Variants in EXOC4 observed in about 807,000 individuals in gnomAD.
EXOC4 encodes SEC8-like 1.
EXOC4 carries 71 observed loss-of-function variants against 107.2 expected under a neutral mutation model. The observed-to-expected ratio is 0.66, with a 90% CI of 0.55 to 0.81. The LOEUF (loss-of-function observed/expected upper bound fraction) is 0.81, where lower values mean the gene tolerates loss of function less well. Ranked by LOEUF, EXOC4 falls within the 30% of genes least tolerant of loss-of-function variation. EXOC4 has a pLI of 0.00. For synonymous variants in EXOC4, 456 were observed against 441.2 expected (o/e 1.03, Z -0.42); for missense variants, 1,108 against 1,189.6 (o/e 0.93, Z 1.01).
intron 9 of EXOC4, among the ~76,000 whole-genome samples, chr7:133,596,128 C>T (rs2150982841): frequency 6.6e-6 from 1 of 152,362 alleles, no homozygotes; most frequent in East Asian, 1.9e-4. Context: ...ATTTCACAGC[C>T]TAAATGGTGC....
intron 9 of EXOC4, among the ~76,000 whole-genome samples, chr7:133,574,086 T>C (rs1373442075): frequency 6.6e-6 from 1 of 152,254 alleles, no homozygotes; most frequent in Non-Finnish European, 1.5e-5. Flanking sequence ...GTTGCTGTGC[T>C]TATTAATAGT....
At position 133,648,425 on chromosome 7, in the gene EXOC4, T is replaced by C. The variant is rs112993790; in HGVS notation, c.1514+18284T>C. Reference sequence around the variant, plus strand: ...ATTTCTCAAATGACTTCTGCCTTTGTAGAATCATCATCTTTTTTCCATGAG... The same window carrying C: ...ATTTCTCAAATGACTTCTGCCTTTGCAGAATCATCATCTTTTTTCCATGAG... On this transcript the variant is annotated intron_variant, in intron 10 of 17. Coordinates refer to ENST00000253861, the MANE Select transcript of EXOC4 (RefSeq NM_021807.4). Among the ~76,000 whole-genome samples the C allele has an allele frequency of 2.2e-3, 339 of 152,360 alleles. 1 individual carries two copies. The highest frequency in any genetic ancestry group is 7.7e-3 in the African/African-American group (322 of 41,588).
chr7:133,856,066 T>G (rs1563029071), intron 11 of EXOC4, among the ~76,000 whole-genome samples: 1 of 152,220 alleles, frequency 6.6e-6, no homozygotes, highest in Non-Finnish European at 1.5e-5. Flanking sequence ...CCCTACATGC[T>G]TATTAATTGT....
chr7:133,816,557 A>G (rs1325813379), intron 10 of EXOC4, among the ~76,000 whole-genome samples: 1 of 152,128 alleles, frequency 6.6e-6, no homozygotes, highest in South Asian at 2.1e-4. Flanking sequence ...AGTATCCTTC[A>G]TTCTCTCTCT....
intron 7 of EXOC4, among the ~76,000 whole-genome samples, chr7:133,459,787 T>C (rs1279341078): frequency 6.6e-6 from 1 of 152,130 alleles, no homozygotes; most frequent in Non-Finnish European, 1.5e-5. Flanking sequence ...AATTGAGGAA[T>C]GATGAGAAAA....
At position 133,289,047 on chromosome 7, in the gene EXOC4, C is replaced by T. The variant is rs754922677; in HGVS notation, c.402C>T (p.Ile134=). Residue 134 remains isoleucine, a synonymous_variant, in exon 3 of 18, where the codon ATC becomes ATT. Transcript: ENST00000253861. ...VLNLLDEIEN[I]KQVPQKLEQC... The stretch of plus-strand genomic sequence containing the variant: ...ACTTGTTGGATGAAATTGAGAATAT[C>T]AAGCAAGTGCCTCAAAAGCTGGAAC... 3.1e-6 allele frequency: 5 copies of T among 1,614,076 alleles called. No individual in the cohort carries two copies. The East Asian group carries it at 8.9e-5, about 29-fold the overall frequency.
intron 10 of EXOC4, among the ~76,000 whole-genome samples, chr7:133,654,216 C>T (rs1260723868): frequency 6.6e-6 from 1 of 152,062 alleles, no homozygotes; most frequent in Non-Finnish European, 1.5e-5. Flanking sequence ...ACCTTAAATT[C>T]ATTAGTATTC....
At chr7:133,421,930 T>G (rs1362261052) in intron 7 of EXOC4, among the ~76,000 whole-genome samples, 2 of 152,218 alleles carry the variant, frequency 1.3e-5, no homozygotes, top group African/African-American at 4.8e-5. Flanking sequence ...CTGAAGCAAT[T>G]TTTTAATTTA....
intron 9 of EXOC4, among the ~76,000 whole-genome samples, chr7:133,562,148 T>C (rs1026154009): frequency 1.3e-5 from 2 of 152,194 alleles, no homozygotes; most frequent in Non-Finnish European, 2.9e-5. Context: ...ATAGAGGACA[T>C]TAAGTGAAGA....
At chr7:134,039,929 A>G (rs1209559508) in intron 17 of EXOC4, among the ~76,000 whole-genome samples, 1 of 152,194 alleles carries the variant, frequency 6.6e-6, no homozygotes, top group Non-Finnish European at 1.5e-5. Flanking sequence ...TCTCTGTGAA[A>G]GTAGCCTCAA....
Position 133,899,128 on chromosome 7 carries a change from C to T in EXOC4, c.1871+3393C>T, listed in dbSNP as rs566343831. 8.1e-5 allele frequency among the ~76,000 whole-genome samples: 12 copies of T among 148,762 alleles called. No homozygotes were observed. The South Asian group carries it at 1.1e-3, about 13-fold the overall frequency. Reference sequence around the variant, plus strand: ...TTTAAGTAGGGCATGCCCTCTTTTTCTAGTAAGTTGTCTGATTATGGGCAC... The same window carrying T: ...TTTAAGTAGGGCATGCCCTCTTTTTTTAGTAAGTTGTCTGATTATGGGCAC... On this transcript the variant is annotated intron_variant, in intron 12 of 17. Coordinates refer to ENST00000253861, the MANE Select transcript of EXOC4 (RefSeq NM_021807.4).
intron 10 of EXOC4, among the ~76,000 whole-genome samples, chr7:133,785,149 C>G (rs984561875): frequency 3.3e-5 from 5 of 152,178 alleles, no homozygotes; most frequent in Non-Finnish European, 7.3e-5. Context: ...GAGAAAGGAA[C>G]TTCTATTTAT....
At chr7:133,500,183 G>C (rs990005277) in intron 9 of EXOC4, among the ~76,000 whole-genome samples, 2 of 152,098 alleles carry the variant, frequency 1.3e-5, no homozygotes, top group African/African-American at 4.8e-5. Context: ...TATTTAAAAT[G>C]AACAGTTTGA....
chr7:133,500,138 C>T (rs138025281), intron 9 of EXOC4, among the ~76,000 whole-genome samples: 1 of 151,956 alleles, frequency 6.6e-6, no homozygotes, highest in Admixed American at 6.6e-5. Flanking sequence ...GTGTATTTTC[C>T]ACTTTATTGA....
intron 14 of EXOC4, among the ~76,000 whole-genome samples, chr7:133,980,760 T>C (rs920666745): frequency 6.6e-6 from 1 of 152,102 alleles, no homozygotes; most frequent in East Asian, 1.9e-4. Context: ...ATTAATCTTT[T>C]ACTTTTTAAA....
intron 10 of EXOC4, among the ~76,000 whole-genome samples, chr7:133,739,211 T>C (rs989358447): frequency 1.4e-5 from 2 of 144,888 alleles, no homozygotes; most frequent in East Asian, 2.1e-4. Flanking sequence ...CAGAAGCACA[T>C]GTAGAGGGGT....
At chr7:133,430,019 G>A (rs1261016531) in intron 7 of EXOC4, among the ~76,000 whole-genome samples, 1 of 152,166 alleles carries the variant, frequency 6.6e-6, no homozygotes, top group Non-Finnish European at 1.5e-5. Flanking sequence ...TGCCATCTCT[G>A]GACAGCCTCT....
At chr7:133,653,119 A>G (rs1234831675) in intron 10 of EXOC4, among the ~76,000 whole-genome samples, 3 of 152,210 alleles carry the variant, frequency 2.0e-5, no homozygotes, top group African/African-American at 7.2e-5. Flanking sequence ...TTGCATCTGT[A>G]ATAGAACAGT....
intron 7 of EXOC4, among the ~76,000 whole-genome samples, chr7:133,420,018 G>T: frequency 7.4e-6 from 1 of 134,292 alleles, no homozygotes. Flanking sequence ...TGTGCACATT[G>T]TGCAGGTTAG....
Sources: allele counts gnomAD v4.1 joint callset (sites outside exome capture counted in the v4.1 genomes callset), GRCh38; gene constraint gnomAD v4.1.1; transcripts MANE v1.5; gene names NCBI Gene and HGNC (gene_info 2026-07-23, HGNC 2026-07-21).